CCDC60: variants seen among roughly 807,000 people sequenced by gnomAD.
The protein encoded by CCDC60 is coiled-coil domain-containing protein 60.
In CCDC60, 54 loss-of-function variants were observed where a neutral mutation model predicts 63.5. The ratio of observed to expected loss-of-function variants is 0.85; its 90% CI spans 0.68 to 1.07. The LOEUF (loss-of-function observed/expected upper bound fraction) is 1.07, where lower values mean the gene tolerates loss of function less well. Among genes scored for constraint, CCDC60 ranks in the 50% least tolerant of loss-of-function variants. The pLI is 0.00. For missense variants in CCDC60, 651 were observed against 684.3 expected (o/e 0.95, Z 0.54); for synonymous variants, 206 against 238.8 (o/e 0.86, Z 1.27).
chr12:119,508,534 G>A (rs1282625498), intron 7 of CCDC60, among the ~76,000 whole-genome samples: 1 of 152,138 alleles, frequency 6.6e-6, no homozygotes, highest in Non-Finnish European at 1.5e-5. Flanking sequence ...GTATGAGCTG[G>A]GAAGAGAACA....
intron 1 of CCDC60, among the ~76,000 whole-genome samples, chr12:119,406,237 C>A (rs1023407217): frequency 1.3e-5 from 2 of 151,092 alleles, no homozygotes; most frequent in African/African-American, 4.9e-5. Context: ...GGTCTTCTTG[C>A]CTCATTCACC....
chr12:119,431,877 C>T (rs1270589196), intron 2 of CCDC60, among the ~76,000 whole-genome samples: 1 of 152,132 alleles, frequency 6.6e-6, no homozygotes, highest in Non-Finnish European at 1.5e-5. Flanking sequence ...GACGGAGTTT[C>T]ACCACGTTAG....
intron 1 of CCDC60, among the ~76,000 whole-genome samples, chr12:119,396,185 G>A (rs550923513): frequency 5.9e-5 from 9 of 152,098 alleles, no homozygotes; most frequent in East Asian, 5.8e-4. Flanking sequence ...TGATTCCCCC[G>A]CCTCAGCCTC....
At chr12:119,513,637 C>T (rs560800838) in intron 7 of CCDC60, among the ~76,000 whole-genome samples, 2 of 152,220 alleles carry the variant, frequency 1.3e-5, no homozygotes, top group Non-Finnish European at 2.9e-5. Flanking sequence ...TGTCACATAA[C>T]AATGTTTCAG....
At chr12:119,468,943 T>A (rs1008024635) in intron 2 of CCDC60, among the ~76,000 whole-genome samples, 1 of 151,494 alleles carries the variant, frequency 6.6e-6, no homozygotes, top group African/African-American at 2.4e-5. Context: ...AATTAAAAAA[T>A]ATATATATTA....
chr12:119,524,505 T>C, intron 11 of CCDC60: 2 of 948,988 alleles, frequency 2.1e-6, no homozygotes, highest in Admixed American at 6.2e-5. Context: ...CTGAATGCTC[T>C]GGGGCTAGGG....
chr12:119,529,655 A>G (rs1632184), intron 12 of CCDC60, among the ~76,000 whole-genome samples: 21,563 of 152,124 alleles, frequency 0.14, 1,731 homozygotes, highest in Non-Finnish European at 0.18. Flanking sequence ...CACATCCCAG[A>G]ACATCACTTT....
At chr12:119,464,552 A>G (rs928038421) in intron 2 of CCDC60, among the ~76,000 whole-genome samples, 11 of 152,126 alleles carry the variant, frequency 7.2e-5, no homozygotes, top group African/African-American at 2.7e-4. Flanking sequence ...CTCTTGGCCA[A>G]GGGAACCCCC....
rs377732274 is a variant in CCDC60 at position 119,457,508 on chromosome 12, G to A, written c.171-14486G>A. On this transcript the variant is annotated intron_variant, in intron 2 of 13. Transcript: ENST00000327554. ...TGTTTGGATGTGATTTAATAAGAATGTGGTTGCAATAAGCACTCAGAATAT... is the reference window on the plus strand; with the variant it reads ...TGTTTGGATGTGATTTAATAAGAATATGGTTGCAATAAGCACTCAGAATAT... Among the ~76,000 whole-genome samples the A allele has an allele frequency of 7.2e-5, 11 of 152,354 alleles. 1 individual carries two copies. The East Asian group carries it at 1.7e-3, about 24-fold the overall frequency.
intron 1 of CCDC60, among the ~76,000 whole-genome samples, chr12:119,357,962 GAA>G (rs1955734668): frequency 6.6e-6 from 1 of 152,206 alleles, no homozygotes; most frequent in South Asian, 2.1e-4. Flanking sequence ...GGCTAAAGGT[GAA>G]GAGGAAGCAG....
chr12:119,513,868 C>A (rs1952280853), intron 7 of CCDC60, among the ~76,000 whole-genome samples: 2 of 152,160 alleles, frequency 1.3e-5, no homozygotes, highest in Admixed American at 1.3e-4. Context: ...TGATAACGAT[C>A]AAATGACTAT....
At chr12:119,532,430 T>TATTATCATC (rs965773804) in intron 13 of CCDC60, among the ~76,000 whole-genome samples, 1 of 147,654 alleles carries the variant, frequency 6.8e-6, no homozygotes, top group Non-Finnish European at 1.5e-5. Context: ...TTATTATTAT[T>TATTATCATC]ATCATTATAC....
chr12:119,533,982 A>G (rs568047775), intron 13 of CCDC60, among the ~76,000 whole-genome samples: 34 of 152,310 alleles, frequency 2.2e-4, no homozygotes, highest in Non-Finnish European at 4.4e-4. Flanking sequence ...TGATGGGGAT[A>G]GCATTGAATC....
At chr12:119,340,790 G>A (rs1955524529) in intron 1 of CCDC60, among the ~76,000 whole-genome samples, 1 of 152,156 alleles carries the variant, frequency 6.6e-6, no homozygotes, top group Admixed American at 6.5e-5. Context: ...TGAGTCATTG[G>A]TTTTTGTTAA....
intron 1 of CCDC60, among the ~76,000 whole-genome samples, chr12:119,383,982 G>A (rs1175348986): frequency 1.3e-5 from 2 of 152,166 alleles, no homozygotes; most frequent in African/African-American, 2.4e-5. Flanking sequence ...GGATCACGAG[G>A]TCAGGAGATT....
chr12:119,432,201 G>T (rs1205927270), intron 2 of CCDC60, among the ~76,000 whole-genome samples: 3 of 152,208 alleles, frequency 2.0e-5, no homozygotes, highest in African/African-American at 7.2e-5. Flanking sequence ...GAGCCCCAGG[G>T]ACTGGTGACA....
At chr12:119,469,853 A>G (rs1566026465) in intron 2 of CCDC60, among the ~76,000 whole-genome samples, 2 of 152,250 alleles carry the variant, frequency 1.3e-5, no homozygotes, top group African/African-American at 2.4e-5. Flanking sequence ...GAAATGTACA[A>G]AATGAATTGA....
chr12:119,480,759 C>G (rs1951290647), intron 4 of CCDC60, among the ~76,000 whole-genome samples: 1 of 149,352 alleles, frequency 6.7e-6, no homozygotes, highest in African/African-American at 2.5e-5. Flanking sequence ...TCCTCACCAT[C>G]ATCATCATCA....
At chr12:119,527,716 G>A (rs1952724677) in intron 11 of CCDC60, among the ~76,000 whole-genome samples, 1 of 120,540 alleles carries the variant, frequency 8.3e-6, no homozygotes, top group African/African-American at 3.3e-5. Flanking sequence ...TCGCTCTGTC[G>A]CCCAGGCTAG....
Sources: gnomAD v4.1 joint callset for allele counts (sites outside exome capture counted in the v4.1 genomes callset) on GRCh38, gnomAD v4.1.1 for gene constraint, MANE v1.5 for transcripts, NCBI Gene and HGNC (gene_info 2026-07-23, HGNC 2026-07-21) for gene names.